VPS35L: variants seen among roughly 807,000 people sequenced by gnomAD.
VPS35L encodes VPS35 endosomal protein-sorting factor-like.
VPS35L carries 83 observed loss-of-function variants against 133.0 expected under a neutral mutation model. That is an observed-to-expected ratio of 0.62 (90% confidence interval 0.52 to 0.75). The LOEUF (loss-of-function observed/expected upper bound fraction) is 0.75, where lower values mean the gene tolerates loss of function less well. Among genes scored for constraint, VPS35L ranks in the 30% least tolerant of loss-of-function variants. VPS35L has a pLI of 0.00. For missense variants in VPS35L, 1,083 were observed against 1,206.8 expected (o/e 0.90, Z 1.52); for synonymous variants, 423 against 449.9 (o/e 0.94, Z 0.76).
At chr16:19,643,422 C>A (rs1346476051) in intron 22 of VPS35L, among the ~76,000 whole-genome samples, 1 of 152,136 alleles carries the variant, frequency 6.6e-6, no homozygotes, top group Non-Finnish European at 1.5e-5. Context: ...ATCCAGGGAC[C>A]CAGGTTATTT....
At position 19,610,312 on chromosome 16, in the gene VPS35L, T is replaced by C; in HGVS notation, c.930-10T>C. 3.7e-6 allele frequency: 6 copies of C among 1,613,020 alleles called. No individual in the cohort carries two copies. Among genetic ancestry groups the C allele is most frequent in the Non-Finnish European group, 5.1e-6 (6 of 1,179,142 alleles). On this transcript the variant is annotated splice_polypyrimidine_tract_variant and intron_variant, in intron 11 of 30. Transcript: ENST00000417362. ...CGAATATAATGCTGGCCTGTTTTTG[T>C]CTCTTGCAGGGGAATTTCAGAGTGC...
chr16:19,582,938 C>T (rs1473916042), intron 7 of VPS35L, among the ~76,000 whole-genome samples: 2 of 152,046 alleles, frequency 1.3e-5, no homozygotes, highest in African/African-American at 4.8e-5. Flanking sequence ...GAGGCTGAGG[C>T]GGGTGGATCA....
chr16:19,656,690 G>A (rs898561545), intron 26 of VPS35L, among the ~76,000 whole-genome samples: 7 of 151,966 alleles, frequency 4.6e-5, no homozygotes, highest in African/African-American at 1.7e-4. Flanking sequence ...CATAGTAGCT[G>A]CTTAGTAAGT....
chr16:19,650,533 ATTTCCC>A, intron 25 of VPS35L, 74 bp downstream of exon 25: 1 of 1,199,178 alleles, frequency 8.3e-7, no homozygotes. Context: ...ACTAAATTAC[ATTTCCC>A]AGAAAAAGAT....
intron 29 of VPS35L, among the ~76,000 whole-genome samples, chr16:19,697,882 C>T (rs1040246449): frequency 6.6e-6 from 1 of 152,188 alleles, no homozygotes; most frequent in Non-Finnish European, 1.5e-5. Context: ...CTCGGACTCC[C>T]CTCTGCATTG....
chr16:19,675,025 C>T (rs552995356), intron 27 of VPS35L, among the ~76,000 whole-genome samples: 4 of 150,758 alleles, frequency 2.7e-5, no homozygotes, highest in South Asian at 4.2e-4. Context: ...ATCACACTAG[C>T]GGCATCAACC....
At chr16:19,570,152 G>A (rs934077800) in intron 3 of VPS35L, among the ~76,000 whole-genome samples, 2 of 151,844 alleles carry the variant, frequency 1.3e-5, no homozygotes, top group African/African-American at 4.8e-5. Flanking sequence ...TGCAGCCTCC[G>A]ACTCCGGGTT....
intron 12 of VPS35L, among the ~76,000 whole-genome samples, chr16:19,614,659 C>T (rs1012494076): frequency 6.6e-6 from 1 of 152,246 alleles, no homozygotes; most frequent in African/African-American, 2.4e-5. Flanking sequence ...GATTGGCCCA[C>T]CTGGGCCTCC....
At position 19,593,874 on chromosome 16, in the gene VPS35L, G is replaced by A. The variant is rs1407150406; in HGVS notation, c.724+2000G>A. Among the ~76,000 whole-genome samples the A allele has an allele frequency of 7.4e-5, 11 of 149,376 alleles. 1 individual carries two copies. Among genetic ancestry groups the A allele is most frequent in the Non-Finnish European group, 5.9e-5 (4 of 67,574 alleles). ...GGAGATTGCAGTGGGCCAAGATCAC[G>A]CCACTGCACTCCAGCCTGGGCGACA... On this transcript the variant is annotated intron_variant, in intron 8 of 30. Coordinates refer to ENST00000417362, the MANE Select transcript of VPS35L (RefSeq NM_020314.7).
At chr16:19,648,015 G>A (rs568271640) in intron 24 of VPS35L, 133 bp downstream of exon 24, 25 of 764,746 alleles carry the variant, frequency 3.3e-5, no homozygotes, top group African/African-American at 1.0e-4. Flanking sequence ...GTGCAGTGGC[G>A]CAATCATAGC....
chr16:19,682,114 G>A (rs764226563), intron 27 of VPS35L, 111 bp from the exon 28 acceptor site: 34 of 1,249,766 alleles, frequency 2.7e-5, no homozygotes, highest in South Asian at 2.4e-4. Context: ...AACTGACAAC[G>A]TTAATTTCTC....
chr16:19,605,830 A>C (rs144774244), intron 9 of VPS35L, among the ~76,000 whole-genome samples: 1 of 152,286 alleles, frequency 6.6e-6, no homozygotes, highest in East Asian at 1.9e-4. Flanking sequence ...TTGCCTGCTT[A>C]TTCTCTTTCC....
chr16:19,688,539 C>T (rs1975546594), intron 28 of VPS35L, among the ~76,000 whole-genome samples: 1 of 152,218 alleles, frequency 6.6e-6, no homozygotes, highest in Non-Finnish European at 1.5e-5. Flanking sequence ...TATCCACGCA[C>T]TCAGGACAGT....
intron 19 of VPS35L, among the ~76,000 whole-genome samples, chr16:19,634,070 C>T (rs1973546268): frequency 6.6e-6 from 1 of 152,010 alleles, no homozygotes; most frequent in Non-Finnish European, 1.5e-5. Context: ...TCACGCATTC[C>T]ACACATATAT....
intron 28 of VPS35L, among the ~76,000 whole-genome samples, chr16:19,686,562 A>T (rs543212739): frequency 6.6e-6 from 1 of 151,978 alleles, no homozygotes; most frequent in Non-Finnish European, 1.5e-5. Flanking sequence ...AGGCCCTCAA[A>T]GCATTCGGGT....
intron 2 of VPS35L, among the ~76,000 whole-genome samples, chr16:19,566,082 C>A (rs139378719): frequency 6.6e-6 from 1 of 152,080 alleles, no homozygotes; most frequent in Non-Finnish European, 1.5e-5. Context: ...AAGCAGAAGA[C>A]CCCAAGACTG....
At chr16:19,660,327 CAA>C (rs550659757) in intron 26 of VPS35L, among the ~76,000 whole-genome samples, 16 of 132,178 alleles carry the variant, frequency 1.2e-4, no homozygotes, top group Admixed American at 1.5e-4. Flanking sequence ...GACCCTGTCT[CAA>C]AAAAAAAAAA....
chr16:19,685,852 G>A (rs2151621221), intron 28 of VPS35L, among the ~76,000 whole-genome samples: 1 of 152,220 alleles, frequency 6.6e-6, no homozygotes, highest in South Asian at 2.1e-4. Context: ...ACAGAGACCT[G>A]GAAGTGAGGC....
rs535556045 is a variant in VPS35L at position 19,669,090 on chromosome 16, C to T, written c.2222-70C>T. The T allele has an allele frequency of 3.0e-5, 45 of 1,506,066 alleles. No individual in the cohort carries two copies. The African/African-American group carries it at 5.7e-4, about 19-fold the overall frequency. 93.3% of individuals were successfully genotyped at this position (1,506,066 alleles called of 1,614,324 possible). On this transcript the variant is annotated intron_variant, in intron 26 of 30. Coordinates refer to ENST00000417362, the MANE Select transcript of VPS35L (RefSeq NM_020314.7). ...TAACTCTCAGGACTGGCCTTCAGGC[C>T]ACGTGAAGAAGAAAGCCAACTAAAT...
Sources: gnomAD v4.1 joint callset for allele counts (sites outside exome capture counted in the v4.1 genomes callset) on GRCh38, gnomAD v4.1.1 for gene constraint, MANE v1.5 for transcripts, NCBI Gene and HGNC (gene_info 2026-07-23, HGNC 2026-07-21) for gene names.